Variants in IGFL4 observed in about 807,000 individuals in gnomAD.
IGFL4 encodes IGF like family member 4.
Under a neutral mutation model 15.4 loss-of-function variants are expected in IGFL4, and 12 were observed. The ratio of observed to expected loss-of-function variants is 0.78; its 90% CI spans 0.50 to 1.26. The LOEUF is 1.26. Ranked by LOEUF, IGFL4 falls within the 50% of genes most tolerant of loss-of-function variation. The probability of loss-of-function intolerance (pLI) is 0.00; values close to 1 mark genes in which losing one functional copy is unlikely to be tolerated. For missense variants in IGFL4, 126 were observed against 147.8 expected, an observed-to-expected ratio of 0.85 and a Z score of 0.76; for synonymous variants, 54 against 55.9, an observed-to-expected ratio of 0.97 and a Z score of 0.16.
upstream of IGFL4, chr19:46,041,024 T>C (rs371024083): frequency 9.6e-6 from 14 of 1,463,850 alleles, no homozygotes; most frequent in Admixed American, 4.9e-5. Context: ...TGACTTTACA[T>C]AGGGGCTTAT....
chr19:46,065,261 G>A (rs998451862), intron 1 of IGFL4, among the ~76,000 whole-genome samples: 1 of 150,536 alleles, frequency 6.6e-6, no homozygotes, highest in African/African-American at 2.4e-5. Context: ...TTCTTATTCT[G>A]TGTGTTGTCT....
Position 46,066,731 on chromosome 19 carries a change from C to T in IGFL4, c.-431-6438G>A, listed in dbSNP as rs73572782. On this transcript the variant is annotated intron_variant, in intron 1 of 5. Coordinates refer to the IGFL4 transcript ENST00000601672. ...TTAAATGACCAGATCTTGCAAGAAC[C>T]CACTATTGTGAGGACAGCACCAAGC... Among the ~76,000 whole-genome samples the T allele has an allele frequency of 7.5e-3, 1,145 of 152,242 alleles. 16 individuals carry two copies. Among genetic ancestry groups the T allele is most frequent in the African/African-American group, 0.026 (1,079 of 41,522 alleles).
intron 1 of IGFL4, among the ~76,000 whole-genome samples, chr19:46,061,854 C>A (rs558083428): frequency 1.3e-5 from 2 of 152,260 alleles, no homozygotes; most frequent in African/African-American, 4.8e-5. Flanking sequence ...TATTCCCAAA[C>A]CACTGCCATT....
At chr19:46,071,774 A>G (rs1020196496) in intron 1 of IGFL4, among the ~76,000 whole-genome samples, 1 of 152,292 alleles carries the variant, frequency 6.6e-6, no homozygotes, top group African/African-American at 2.4e-5. Context: ...TAATCCCAAC[A>G]CTTTGAGAGG....
intron 1 of IGFL4, among the ~76,000 whole-genome samples, chr19:46,070,902 A>G (rs907999353): frequency 6.6e-6 from 1 of 152,124 alleles, no homozygotes; most frequent in Admixed American, 6.5e-5. Context: ...ATTTGGGGGA[A>G]AAATTAATCA....
chr19:46,077,321 A>G (rs145713716), upstream of IGFL4, among the ~76,000 whole-genome samples: 326 of 152,094 alleles, frequency 2.1e-3, 3 homozygotes, highest in East Asian at 0.012. The surrounding 1 kb of genome is among the most constrained non-coding windows in gnomAD (Gnocchi z 5.4). Context: ...GCTGGCTCAA[A>G]TCCCCGTGGA....
chr19:46,039,707 G>A lies in IGFL4; in HGVS notation c.*185C>T. The A allele has an allele frequency of 1.9e-6, 1 of 533,374 alleles. No individual in the cohort carries two copies. Among genetic ancestry groups the A allele is most frequent in the Non-Finnish European group, 3.5e-6 (1 of 286,388 alleles). 33.0% of individuals were successfully genotyped at this position (533,374 alleles called of 1,614,324 possible). On this transcript the variant is annotated 3_prime_UTR_variant, in exon 4 of 4. Coordinates refer to ENST00000377697, the MANE Select transcript of IGFL4 (RefSeq NM_001002923.3). ...GGCTCTCTGTTTGTCTGTTGTTGGTGTATAAGAATGCTTGTGATTTTTGTA... is the reference window on the plus strand; with the variant it reads ...GGCTCTCTGTTTGTCTGTTGTTGGTATATAAGAATGCTTGTGATTTTTGTA...
chr19:46,063,647 T>C lies in IGFL4; in HGVS notation c.-431-3354A>G, dbSNP rs942680036. Among the ~76,000 whole-genome samples, 3 of 152,194 alleles carry C rather than the reference T, an allele frequency of 2.0e-5. No individual in the cohort carries two copies. In the South Asian group the frequency reaches 6.2e-4, roughly 32 times the overall value. ...GCGCAGAGGAGATGCTCCATATTTA[T>C]TGACTTCAACATCAATAGCCAAATT... On this transcript the variant is annotated intron_variant, in intron 1 of 5. Transcript: ENST00000601672.
intron 1 of IGFL4, among the ~76,000 whole-genome samples, chr19:46,075,472 G>A (rs1969586689): frequency 6.6e-6 from 1 of 152,128 alleles, no homozygotes; most frequent in African/African-American, 2.4e-5. Context: ...CCTTACCAGG[G>A]TCTGAAGGGC....
At chr19:46,041,700 T>C (rs938699664), upstream of IGFL4, among the ~76,000 whole-genome samples, 5 of 152,064 alleles carry the variant, frequency 3.3e-5, no homozygotes, top group Non-Finnish European at 7.4e-5. Flanking sequence ...CCCTCCATTT[T>C]CCACTGGTTT....
intron 1 of IGFL4, among the ~76,000 whole-genome samples, chr19:46,060,998 C>G (rs1969439619): frequency 6.6e-6 from 1 of 152,186 alleles, no homozygotes; most frequent in African/African-American, 2.4e-5. Context: ...GATCAGTGCT[C>G]TAAGATAAAC....
At chr19:46,055,920 G>T (rs1486154575) in intron 2 of IGFL4, among the ~76,000 whole-genome samples, 2 of 152,072 alleles carry the variant, frequency 1.3e-5, no homozygotes, top group African/African-American at 4.8e-5. Context: ...AGGATTACAG[G>T]TGCCCACCAC....
upstream of IGFL4, among the ~76,000 whole-genome samples, chr19:46,044,565 C>T (rs1969279851): frequency 6.6e-6 from 1 of 152,216 alleles, no homozygotes; most frequent in Admixed American, 6.5e-5. Flanking sequence ...CCATTCTAGC[C>T]TGCCAGCTTT....
rs558284279 is a variant in IGFL4 at position 46,062,898 on chromosome 19, A to T, written c.-431-2605T>A. On this transcript the variant is annotated intron_variant, in intron 1 of 5. Coordinates refer to the IGFL4 transcript ENST00000601672. ...GTCCTATTGTCCCATGATCCTGTAC[A>T]TGCCTAATCCTGTCACCCACAGCCA... 1.4e-4 allele frequency: 22 copies of T among 152,416 alleles called. No individual in the cohort carries two copies. In the South Asian group the frequency reaches 4.6e-3, roughly 32 times the overall value. 9.4% of individuals were successfully genotyped at this position (152,416 alleles called of 1,614,324 possible). A position where few individuals can be genotyped will look rare whatever the true frequency, so the allele number is the denominator to read the frequency against.
chr19:46,046,518 CA>C (rs1969298888), intron 2 of IGFL4, among the ~76,000 whole-genome samples: 1 of 152,178 alleles, frequency 6.6e-6, no homozygotes, highest in Non-Finnish European at 1.5e-5. Flanking sequence ...AGACCCATCT[CA>C]CATGTGGGAC....
intron 1 of IGFL4, among the ~76,000 whole-genome samples, chr19:46,061,384 C>T (rs2146523232): frequency 6.6e-6 from 1 of 152,190 alleles, no homozygotes; most frequent in East Asian, 1.9e-4. Context: ...TATTTTTAAA[C>T]CAATTAATTA....
rs1969218856 is a variant in IGFL4, at chr19:46,039,888, C to T, written c.*4G>A. On this transcript the variant is annotated 3_prime_UTR_variant, in exon 4 of 4. Transcript: ENST00000377697. Reference sequence around the variant, plus strand: ...GATCTGTGACTCTGCTACCCCAGAACAGTCTAGATGAGGTCAGATCTTGAC... The same window carrying T: ...GATCTGTGACTCTGCTACCCCAGAATAGTCTAGATGAGGTCAGATCTTGAC... 1.2e-6 allele frequency: 2 copies of T among 1,607,958 alleles called. No homozygotes were observed. Among genetic ancestry groups the T allele is most frequent in the Non-Finnish European group, 1.7e-6 (2 of 1,174,428 alleles).
chr19:46,072,361 G>A (rs558968126), intron 1 of IGFL4, among the ~76,000 whole-genome samples: 50 of 152,282 alleles, frequency 3.3e-4, no homozygotes, highest in African/African-American at 9.9e-4. Flanking sequence ...GTGAAGAAGT[G>A]CGAGCCCCCC....
At chr19:46,055,471 G>C (rs1054633161) in intron 2 of IGFL4, among the ~76,000 whole-genome samples, 6 of 152,100 alleles carry the variant, frequency 3.9e-5, no homozygotes, top group African/African-American at 1.2e-4. Context: ...TACCTCCCAT[G>C]ATCTTATCAC....
Sources: gnomAD v4.1 joint callset for allele counts (sites outside exome capture counted in the v4.1 genomes callset) on GRCh38, gnomAD v4.1.1 for gene constraint, Gnocchi (gnomAD v3.1) non-coding constraint, MANE v1.5 for transcripts, NCBI Gene and HGNC (gene_info 2026-07-23, HGNC 2026-07-21) for gene names.